The following MARCHF11 variants were observed in gnomAD, a reference collection of about 807,000 sequenced individuals.
The protein encoded by MARCHF11 is E3 ubiquitin-protein ligase MARCHF11.
Under a neutral mutation model 37.3 loss-of-function variants are expected in MARCHF11, and 29 were observed. The observed-to-expected ratio is 0.78, with a 90% CI of 0.58 to 1.06. The LOEUF is 1.06. Among genes scored for constraint, MARCHF11 ranks in the 50% least tolerant of loss-of-function variants. The pLI, the probability that MARCHF11 is intolerant of heterozygous loss-of-function variation, is 0.00. For synonymous variants in MARCHF11, 233 were observed against 228.0 expected, an observed-to-expected ratio of 1.02 and a Z score of -0.20; for missense variants, 482 against 533.4, an observed-to-expected ratio of 0.90 and a Z score of 0.95.
intron 3 of MARCHF11, among the ~76,000 whole-genome samples, chr5:16,071,155 T>C (rs972584836): frequency 2.0e-5 from 3 of 152,228 alleles, no homozygotes; most frequent in Non-Finnish European, 4.4e-5. Context: ...TTTCAGTTCA[T>C]ATGCGAACAG....
Position 16,079,656 on chromosome 5 carries a change from C to T in MARCHF11, c.886+11233G>A, listed in dbSNP as rs76691236. On this transcript the variant is annotated intron_variant, in intron 3 of 3. Transcript: ENST00000332432. Reference sequence around the variant, plus strand: ...AGTGATTCTGCAGGGGGCTCAGCCTCCTCTCCCCAGGGCCCTCAGCAGCTG... The same window carrying T: ...AGTGATTCTGCAGGGGGCTCAGCCTTCTCTCCCCAGGGCCCTCAGCAGCTG... 2.9e-3 allele frequency among the ~76,000 whole-genome samples: 439 copies of T among 152,270 alleles called. 18 individuals carry two copies. The East Asian group carries it at 0.073, about 25-fold the overall frequency.
chr5:16,097,756 C>G (rs1017846340), intron 2 of MARCHF11, among the ~76,000 whole-genome samples: 4 of 152,138 alleles, frequency 2.6e-5, no homozygotes, highest in African/African-American at 9.7e-5. Context: ...TGTTATAAAG[C>G]ATTTAAAGAC....
chr5:16,078,108 A>G (rs1477237863), intron 3 of MARCHF11, among the ~76,000 whole-genome samples: 1 of 152,198 alleles, frequency 6.6e-6, no homozygotes, highest in Non-Finnish European at 1.5e-5. Context: ...CTCAGCATAT[A>G]AAGAGGGGTT....
At chr5:16,112,356 C>A (rs149666934) in intron 2 of MARCHF11, among the ~76,000 whole-genome samples, 139 of 152,348 alleles carry the variant, frequency 9.1e-4, no homozygotes, top group African/African-American at 3.2e-3. Context: ...GGGAACCCAC[C>A]TCTTGCATCA....
chr5:16,104,693 A>AG (rs1203024322), intron 2 of MARCHF11, among the ~76,000 whole-genome samples: 10 of 151,554 alleles, frequency 6.6e-5, no homozygotes, highest in African/African-American at 2.4e-4. Context: ...AAAAAAAAAA[A>AG]GTTCAGGTTT....
chr5:16,154,749 A>G lies in MARCHF11; in HGVS notation c.693+22977T>C, dbSNP rs531792734. On this transcript the variant is annotated intron_variant, in intron 2 of 3. Coordinates refer to ENST00000332432, the MANE Select transcript of MARCHF11 (RefSeq NM_001102562.3). ...GTCAGCAAACAGAAAACAATGTTCA[A>G]CCTCACTAGTAATCAGGGAAACACA... 2.6e-5 allele frequency among the ~76,000 whole-genome samples: 4 copies of G among 152,080 alleles called. No homozygotes were observed. The East Asian group carries it at 7.8e-4, about 30-fold the overall frequency.
chr5:16,098,594 C>T (rs1382710350), intron 2 of MARCHF11, among the ~76,000 whole-genome samples: 1 of 151,692 alleles, frequency 6.6e-6, no homozygotes, highest in Admixed American at 6.6e-5. Flanking sequence ...ATGGTGAAAC[C>T]CTGTCTCTAC....
chr5:16,152,814 C>T (rs1737909859), intron 2 of MARCHF11, among the ~76,000 whole-genome samples: 1 of 151,980 alleles, frequency 6.6e-6, no homozygotes. Flanking sequence ...GACTAAATGT[C>T]TCTCTCTACT....
chr5:16,162,560 C>A (rs1738099157), intron 2 of MARCHF11, among the ~76,000 whole-genome samples: 1 of 151,958 alleles, frequency 6.6e-6, no homozygotes. Flanking sequence ...CTCAACAATT[C>A]ATAGCCCCCT....
Position 16,076,261 on chromosome 5 carries a change from T to C in MARCHF11, c.887-8468A>G, listed in dbSNP as rs113325188. 5.3e-3 allele frequency among the ~76,000 whole-genome samples: 814 copies of C among 152,306 alleles called. 9 individuals carry two copies. The highest frequency in any genetic ancestry group is 0.019 in the African/African-American group (769 of 41,558). On this transcript the variant is annotated intron_variant, in intron 3 of 3. Transcript: ENST00000332432. ...TATTTCTCAAAAGCTGTGAAGGTTA[T>C]ATATTACAAAAAATATGGTATATCT...
chr5:16,142,720 T>G (rs1202727202), intron 2 of MARCHF11, among the ~76,000 whole-genome samples: 6 of 147,504 alleles, frequency 4.1e-5, no homozygotes, highest in East Asian at 2.0e-4. Flanking sequence ...AGATGGAGTT[T>G]CGCTCTTGTT....
chr5:16,084,911 T>C (rs1265280146), intron 3 of MARCHF11, among the ~76,000 whole-genome samples: 1 of 152,142 alleles, frequency 6.6e-6, no homozygotes, highest in Non-Finnish European at 1.5e-5. Flanking sequence ...TATACTTTAA[T>C]TCATTATTTC....
intron 2 of MARCHF11, among the ~76,000 whole-genome samples, chr5:16,115,004 C>T (rs776881604): frequency 6.6e-6 from 1 of 151,980 alleles, no homozygotes; most frequent in African/African-American, 2.4e-5. Context: ...AACTGCACAT[C>T]GTGTGTCAGG....
At chr5:16,175,952 T>A (rs888197703) in intron 2 of MARCHF11, among the ~76,000 whole-genome samples, 1 of 152,186 alleles carries the variant, frequency 6.6e-6, no homozygotes, top group African/African-American at 2.4e-5. Flanking sequence ...AGTTTTTGGG[T>A]TTTAGTTCTT....
intron 3 of MARCHF11, among the ~76,000 whole-genome samples, chr5:16,085,777 C>T (rs930113632): frequency 6.6e-6 from 1 of 151,452 alleles, no homozygotes; most frequent in African/African-American, 2.4e-5. Context: ...ACGGTGAAAC[C>T]CCGTCTCTAC....
At chr5:16,136,056 A>G (rs542835044) in intron 2 of MARCHF11, among the ~76,000 whole-genome samples, 1 of 152,234 alleles carries the variant, frequency 6.6e-6, no homozygotes, top group East Asian at 1.9e-4. Context: ...ATTCCTGTCC[A>G]TTACTATGCC....
chr5:16,178,931 C>CA, intron 1 of MARCHF11, 108 bp downstream of exon 1: 1 of 1,291,322 alleles, frequency 7.7e-7, no homozygotes, highest in Non-Finnish European at 9.9e-7. Flanking sequence ...AGACGAGCCT[C>CA]ACTGGAGGCA....
At chr5:16,105,887 C>CA (rs969780571) in intron 2 of MARCHF11, among the ~76,000 whole-genome samples, 2 of 152,196 alleles carry the variant, frequency 1.3e-5, no homozygotes, top group African/African-American at 4.8e-5. Context: ...GACAAATAGT[C>CA]AAACAGTGAC....
chr5:16,165,503 AT>A (rs1430688035), intron 2 of MARCHF11, among the ~76,000 whole-genome samples: 8 of 152,070 alleles, frequency 5.3e-5, no homozygotes, highest in African/African-American at 1.9e-4. Context: ...TAGTCATCAT[AT>A]CTCCTTAGTC....
Sources: allele counts gnomAD v4.1 joint callset (sites outside exome capture counted in the v4.1 genomes callset), GRCh38; gene constraint gnomAD v4.1.1; transcripts MANE v1.5; gene names NCBI Gene and HGNC (gene_info 2026-07-23, HGNC 2026-07-21).